Variants in CARMIL1 observed in about 807,000 individuals in gnomAD.
The protein encoded by CARMIL1 is F-actin-uncapping protein LRRC16A.
CARMIL1 carries 90 observed loss-of-function variants against 177.1 expected under a neutral mutation model. The ratio of observed to expected loss-of-function variants is 0.51; its 90% CI spans 0.43 to 0.61. The LOEUF (loss-of-function observed/expected upper bound fraction) is 0.61. Ranked by LOEUF, CARMIL1 falls within the 20% of genes least tolerant of loss-of-function variation. The pLI is 0.00. For synonymous variants in CARMIL1, 577 were observed against 606.2 expected, an observed-to-expected ratio of 0.95 and a Z score of 0.71; for missense variants, 1,380 against 1,667.0, an observed-to-expected ratio of 0.83 and a Z score of 3.00.
At chr6:25,412,906 G>A (rs1018914111) in intron 2 of CARMIL1, among the ~76,000 whole-genome samples, 4 of 152,172 alleles carry the variant, frequency 2.6e-5, no homozygotes, top group Non-Finnish European at 5.9e-5. Context: ...ATTTTGAAAA[G>A]GATTTTAAGT....
intron 26 of CARMIL1, among the ~76,000 whole-genome samples, chr6:25,545,046 C>T (rs1809319054): frequency 6.6e-6 from 1 of 152,134 alleles, no homozygotes; most frequent in Non-Finnish European, 1.5e-5. Context: ...CTAATGCCTC[C>T]CTTATTGGAC....
At chr6:25,391,520 T>A (rs1455366862) in intron 2 of CARMIL1, among the ~76,000 whole-genome samples, 1 of 152,194 alleles carries the variant, frequency 6.6e-6, no homozygotes, top group Non-Finnish European at 1.5e-5. Context: ...CAGAAGATGA[T>A]GGGTTGAGGT....
intron 29 of CARMIL1, chr6:25,563,505 C>T (rs576135823): frequency 2.5e-4 from 244 of 985,394 alleles, no homozygotes; most frequent in Middle Eastern, 2.1e-3. Context: ...GTAAAAGAAA[C>T]ATCTGGAAGA....
intron 4 of CARMIL1, 124 bp downstream of exon 4, chr6:25,426,684 A>T: frequency 1.4e-6 from 1 of 732,802 alleles, no homozygotes; most frequent in South Asian, 2.1e-5. Flanking sequence ...GAAATGAGAG[A>T]CTCAACACTG....
At chr6:25,384,672 C>T (rs1365009211) in intron 2 of CARMIL1, among the ~76,000 whole-genome samples, 1 of 152,120 alleles carries the variant, frequency 6.6e-6, no homozygotes, top group Admixed American at 6.6e-5. Context: ...GGGCAGAGGA[C>T]CCAGAAATAT....
At chr6:25,347,900 T>C (rs545387749) in intron 2 of CARMIL1, among the ~76,000 whole-genome samples, 2 of 152,282 alleles carry the variant, frequency 1.3e-5, no homozygotes, top group South Asian at 2.1e-4. Flanking sequence ...TAGCACCACT[T>C]TCAAACTTAC....
At chr6:25,394,248 A>G (rs1296965357) in intron 2 of CARMIL1, among the ~76,000 whole-genome samples, 1 of 152,180 alleles carries the variant, frequency 6.6e-6, no homozygotes, top group Non-Finnish European at 1.5e-5. Flanking sequence ...AGTGATAGTG[A>G]TGGTTATGAT....
At chr6:25,494,797 C>A (rs553080558) in intron 15 of CARMIL1, among the ~76,000 whole-genome samples, 3 of 152,306 alleles carry the variant, frequency 2.0e-5, no homozygotes, top group African/African-American at 7.2e-5. Flanking sequence ...AAATATACAT[C>A]TTCTCTGACC....
chr6:25,330,198 CATGGTACTGTGCGATT>C (rs1197452892), intron 2 of CARMIL1, among the ~76,000 whole-genome samples: 1 of 152,238 alleles, frequency 6.6e-6, no homozygotes, highest in East Asian at 1.9e-4. Context: ...GAGGTGTGCC[CATGGTACTGTGCGATT>C]ATAGACTGGC....
chr6:25,360,895 T>C (rs1327645467), intron 2 of CARMIL1, among the ~76,000 whole-genome samples: 4 of 152,236 alleles, frequency 2.6e-5, no homozygotes, highest in Non-Finnish European at 5.9e-5. Flanking sequence ...CATAGCACCC[T>C]TCAAGAACTA....
intron 29 of CARMIL1, chr6:25,563,307 T>TA (rs1438575134): frequency 1.0e-6 from 1 of 985,270 alleles, no homozygotes; most frequent in Non-Finnish European, 1.2e-6. Flanking sequence ...GAATAAAAGA[T>TA]CAAATCCCTT....
chr6:25,354,954 A>T (rs1384927598), intron 2 of CARMIL1, among the ~76,000 whole-genome samples: 1 of 152,178 alleles, frequency 6.6e-6, no homozygotes, highest in Non-Finnish European at 1.5e-5. Context: ...CCACACTTTC[A>T]TAGATGTCAG....
chr6:25,572,571 C>T (rs1050455415), intron 29 of CARMIL1, among the ~76,000 whole-genome samples: 59 of 151,838 alleles, frequency 3.9e-4, no homozygotes, highest in African/African-American at 1.4e-3. Flanking sequence ...CATGGTGGTA[C>T]GTATCTGTAG....
intron 2 of CARMIL1, among the ~76,000 whole-genome samples, chr6:25,308,936 C>A (rs1197798385): frequency 6.6e-6 from 1 of 152,166 alleles, no homozygotes; most frequent in Non-Finnish European, 1.5e-5. Flanking sequence ...ACTTATGGAG[C>A]CTTTGCCATG....
At chr6:25,382,262 T>A (rs1791624952) in intron 2 of CARMIL1, among the ~76,000 whole-genome samples, 1 of 152,060 alleles carries the variant, frequency 6.6e-6, no homozygotes, top group South Asian at 2.1e-4. Context: ...CACGTCTGGC[T>A]AATTTTTGTA....
chr6:25,379,959 C>T (rs911101326), intron 2 of CARMIL1, among the ~76,000 whole-genome samples: 3 of 150,438 alleles, frequency 2.0e-5, no homozygotes, highest in South Asian at 4.5e-4. Context: ...CTTCTTTATG[C>T]ACTTTTTTTC....
Position 25,544,398 on chromosome 6 carries a change from T to C in CARMIL1, c.2328+4320T>C, listed in dbSNP as rs939526990. Among the ~76,000 whole-genome samples the C allele has an allele frequency of 1.4e-4, 21 of 152,054 alleles. No homozygotes were observed. In the East Asian group the frequency reaches 4.1e-3, roughly 29 times the overall value. The stretch of plus-strand genomic sequence containing the variant: ...GTTGGGGGCAGGCAGGGAGAGGCTC[T>C]TTTTTTAAAAAAAGACCGATATTAA... On this transcript the variant is annotated intron_variant, in intron 26 of 36. Transcript: ENST00000329474.
At chr6:25,335,627 A>G (rs1786130959) in intron 2 of CARMIL1, among the ~76,000 whole-genome samples, 1 of 152,242 alleles carries the variant, frequency 6.6e-6, no homozygotes, top group African/African-American at 2.4e-5. Context: ...TCCCCAAGTG[A>G]TAAATGGTAT....
At chr6:25,491,646 G>A in intron 13 of CARMIL1, 86 bp from the exon 14 acceptor site, 3 of 825,670 alleles carry the variant, frequency 3.6e-6, no homozygotes, top group Non-Finnish European at 3.8e-6. Flanking sequence ...AGAAATTCTG[G>A]CAACTTCCTT....
Sources: allele counts gnomAD v4.1 joint callset (sites outside exome capture counted in the v4.1 genomes callset), GRCh38; gene constraint gnomAD v4.1.1; transcripts MANE v1.5; gene names NCBI Gene and HGNC (gene_info 2026-07-23, HGNC 2026-07-21).